HPS4: variants seen among roughly 807,000 people sequenced by gnomAD.
HPS4 encodes BLOC-3 complex member HPS4.
In HPS4, 44 loss-of-function variants were observed where a neutral mutation model predicts 70.3. The ratio of observed to expected loss-of-function variants is 0.63; its 90% confidence interval spans 0.49 to 0.80. HPS4 has a LOEUF of 0.80. HPS4 is among the 30% of genes least tolerant of loss of function. HPS4 has a pLI of 0.00. For missense variants in HPS4, 873 were observed against 884.4 expected, an observed-to-expected ratio of 0.99 and a Z score of 0.16; for synonymous variants, 377 against 355.9, an observed-to-expected ratio of 1.06 and a Z score of -0.67.
intron 4 of HPS4, among the ~76,000 whole-genome samples, chr22:26,475,156 T>A (rs1273052793): frequency 6.6e-6 from 1 of 152,096 alleles, no homozygotes; most frequent in East Asian, 1.9e-4. Flanking sequence ...ATCCTTAATA[T>A]CCCCAACTGG....
intron 4 of HPS4, among the ~76,000 whole-genome samples, chr22:26,474,239 T>C (rs1463837670): frequency 6.6e-6 from 1 of 152,190 alleles, no homozygotes; most frequent in Non-Finnish European, 1.5e-5. Context: ...CAAACAGATC[T>C]GTGGAAAAGC....
Position 26,466,247 on chromosome 22 carries a change from C to A in HPS4, c.685G>T (p.Glu229Ter). The A allele has an allele frequency of 6.2e-7, 1 of 1,614,206 alleles. No individual in the cohort carries two copies. The highest frequency in any genetic ancestry group is 8.5e-7 in the Non-Finnish European group (1 of 1,180,020). ...TTACCATGTTCCTGCGGGGCATCCT[C>A]TCCCGTAGGGAGTCTCTGAAAACAA... Reference protein sequence around the residue: ...APQEQRLPTGEDAPQEHGAAL... With the variant: ...APQEQRLPTG Residue 229 changes from glutamate (E) to a stop codon, truncating the protein, a stop_gained, in exon 9 of 14, where the codon GAG (glutamate) becomes TAG (stop). Coordinates refer to ENST00000398145, the MANE Select transcript of HPS4 (RefSeq NM_022081.6). LOFTEE classifies it high-confidence loss of function.
chr22:26,460,962 A>G (rs2087131297), intron 11 of HPS4, among the ~76,000 whole-genome samples: 1 of 152,266 alleles, frequency 6.6e-6, no homozygotes, highest in Admixed American at 6.5e-5. Flanking sequence ...AGAGCTGAAA[A>G]GCTGTGCAAA....
Position 26,451,464 on chromosome 22 carries a change from G to A in HPS4, c.*1769C>T, listed in dbSNP as rs909177884. 7 of 152,190 alleles carry A rather than the reference G, an allele frequency of 4.6e-5. No individual in the cohort carries two copies. Among genetic ancestry groups the A allele is most frequent in the African/African-American group, 1.7e-4 (7 of 41,428 alleles). 9.4% of individuals were successfully genotyped at this position (152,190 alleles called of 1,614,324 possible). ...AGCAGGATCAAAGGAGGAAAGAAAG[G>A]GGCACACCTGCAAAGTGAAGTTTCA... On this transcript the variant is annotated 3_prime_UTR_variant, in exon 14 of 14. Transcript: ENST00000398145.
chr22:26,450,764 C>G (rs2085125466), downstream of HPS4, among the ~76,000 whole-genome samples: 2 of 152,218 alleles, frequency 1.3e-5, no homozygotes, highest in East Asian at 1.9e-4. Context: ...CCCTTTCACT[C>G]TGCACTTCTC....
At chr22:26,465,399 A>C (rs1166868826) in intron 10 of HPS4, 56 bp downstream of exon 10, 3 of 1,269,868 alleles carry the variant, frequency 2.4e-6, no homozygotes, top group Non-Finnish European at 3.5e-6. Context: ...TTAACCAATC[A>C]CGCGATGGGG....
At chr22:26,447,300 G>A (rs1409894162), downstream of HPS4, among the ~76,000 whole-genome samples, 1 of 152,200 alleles carries the variant, frequency 6.6e-6, no homozygotes, top group Non-Finnish European at 1.5e-5. Context: ...GAAACCCACG[G>A]AGGCAAGCGG....
downstream of HPS4, among the ~76,000 whole-genome samples, chr22:26,446,870 G>A (rs536982015): frequency 1.6e-4 from 25 of 152,332 alleles, no homozygotes; most frequent in African/African-American, 5.8e-4. Flanking sequence ...TGGACTTACA[G>A]GTGCCCGCTT....
At chr22:26,480,250 CAAA>C (rs1322006385) in intron 2 of HPS4, among the ~76,000 whole-genome samples, 1 of 152,186 alleles carries the variant, frequency 6.6e-6, no homozygotes, top group East Asian at 1.9e-4. Flanking sequence ...CGGTTCAGTG[CAAA>C]CTCAATCTCC....
rs1172739600 is a variant in HPS4 at position 26,464,885 on chromosome 22, C to T, written c.804-59G>A. 25 of 1,488,684 alleles carry T rather than the reference C, an allele frequency of 1.7e-5. No individual in the cohort carries two copies. In the East Asian group the frequency reaches 5.6e-4, roughly 34 times the overall value. 92.2% of individuals were successfully genotyped at this position (1,488,684 alleles called of 1,614,324 possible). ...GTTGACAGACTGCAGGGCAAGTGCC[C>T]TTCCACAGTGAAGACTAAAGCACAG... On this transcript the variant is annotated intron_variant, in intron 10 of 13. Coordinates refer to ENST00000398145, the MANE Select transcript of HPS4 (RefSeq NM_022081.6).
At position 26,464,247 on chromosome 22, in the gene HPS4, G is replaced by T. The variant is rs772205948; in HGVS notation, c.1383C>A (p.Leu461=). Residue 461 remains leucine, a synonymous_variant, in exon 11 of 14, where the codon CTC becomes CTA. Coordinates refer to ENST00000398145, the MANE Select transcript of HPS4 (RefSeq NM_022081.6). ...ACAAGGGCCTGCGGGTCCTTCTGGG[G>T]AGAGGGTCTGCTCTGGGAATGGGGG... ...SQAPIPRADP[L]PRRTRRPLLL... 10 of 1,614,168 alleles carry T rather than the reference G, an allele frequency of 6.2e-6. No homozygotes were observed. In the East Asian group the frequency reaches 1.1e-4, roughly 18 times the overall value.
chr22:26,479,270 A>C lies in HPS4; in HGVS notation c.127T>G (p.Ser43Ala). 6.2e-7 allele frequency: 1 copy of C among 1,614,178 alleles called. No homozygotes were observed. The highest frequency in any genetic ancestry group is 8.5e-7 in the Non-Finnish European group (1 of 1,180,026). ...TRAGICYFYP[S>A]QTLLDQQELL... is the part of the protein sequence containing the mutation. ...TAAAATGCTGTGTGGCTTACCTGGG[A>C]AGGATAAAAGTAACAAATGCCAGCT... Residue 43 changes from serine to alanine, a missense_variant, in exon 3 of 14, where the codon TCC (serine) becomes GCC (alanine). Ser to Ala is a moderately conservative substitution (Grantham distance 99). Coordinates refer to ENST00000398145, the MANE Select transcript of HPS4 (RefSeq NM_022081.6).
chr22:26,482,712 A>T (rs987950772), intron 1 of HPS4: 1 of 151,938 alleles, frequency 6.6e-6, no homozygotes, highest in African/African-American at 2.4e-5. Context: ...GGCATCGTTT[A>T]CTCTACTCTC....
At chr22:26,476,489 G>T (rs192019829) in intron 4 of HPS4, 1 of 163,778 alleles carries the variant, frequency 6.1e-6, no homozygotes, top group African/African-American at 2.4e-5. Flanking sequence ...TAAGACCACA[G>T]ACATGAGCCA....
downstream of HPS4, chr22:26,443,497 G>C (rs1256157457): frequency 3.5e-6 from 1 of 286,836 alleles, no homozygotes; most frequent in Admixed American, 5.0e-5. Context: ...TGAGTGACCA[G>C]AGACTTAGTG....
chr22:26,473,044 C>T (rs1451251782), intron 4 of HPS4, 105 bp from the exon 5 acceptor site: 3 of 899,588 alleles, frequency 3.3e-6, no homozygotes, highest in East Asian at 2.5e-5. Context: ...ACTGGCCCAT[C>T]GAAATTGATC....
chr22:26,469,283 C>CAAAAA (rs5844704), intron 7 of HPS4, among the ~76,000 whole-genome samples: 13 of 105,370 alleles, frequency 1.2e-4, no homozygotes, highest in African/African-American at 3.5e-4. Flanking sequence ...CCCATCTCTA[C>CAAAAA]AAAAAAAAAA....
chr22:26,478,017 T>C (rs1448647167), intron 3 of HPS4, among the ~76,000 whole-genome samples: 1 of 152,146 alleles, frequency 6.6e-6, no homozygotes, highest in Non-Finnish European at 1.5e-5. Flanking sequence ...GATGGAAGTA[T>C]GGGTGCATGG....
chr22:26,460,393 C>T lies in HPS4; in HGVS notation c.1714-1816G>A, dbSNP rs117609143. Among the ~76,000 whole-genome samples, 309 of 152,298 alleles carry T rather than the reference C, an allele frequency of 2.0e-3. 3 individuals carry two copies. Among genetic ancestry groups the T allele is most frequent in the Non-Finnish European group, 2.7e-3 (185 of 68,026 alleles). ...AACAGATGTGTGTGTGTGCATGTGC[C>T]GACACGCACACGGGCACACATAAGC... On this transcript the variant is annotated intron_variant, in intron 11 of 13. Coordinates refer to ENST00000398145, the MANE Select transcript of HPS4 (RefSeq NM_022081.6).
Sources: allele counts gnomAD v4.1 joint callset (sites outside exome capture counted in the v4.1 genomes callset), GRCh38; gene constraint gnomAD v4.1.1; transcripts MANE v1.5; gene names NCBI Gene and HGNC (gene_info 2026-07-23, HGNC 2026-07-21).